Variants in ASIC2 observed in about 807,000 individuals in gnomAD.
ASIC2 encodes acid sensing ion channel subunit 2.
In ASIC2, 25 loss-of-function variants were observed where a neutral mutation model predicts 57.3. The ratio of observed to expected loss-of-function variants is 0.44; its 90% CI spans 0.32 to 0.61. ASIC2 has a LOEUF of 0.61. Ranked by LOEUF, ASIC2 falls within the 20% of genes least tolerant of loss-of-function variation. ASIC2 has a pLI of 0.06. For synonymous variants in ASIC2, 319 were observed against 307.5 expected (o/e 1.04, Z -0.39); for missense variants, 641 against 738.1 (o/e 0.87, Z 1.52).
chr17:33,534,366 A>T (rs141439373), intron 1 of ASIC2: 4 of 152,198 alleles, frequency 2.6e-5, no homozygotes, highest in Admixed American at 6.5e-5. Context: ...AACAGCTTCA[A>T]CTTCTTGCCG....
chr17:33,520,397 G>A (rs1225060495), intron 1 of ASIC2, among the ~76,000 whole-genome samples: 2 of 152,208 alleles, frequency 1.3e-5, no homozygotes, highest in Non-Finnish European at 2.9e-5. Flanking sequence ...CCATGCTCTA[G>A]CATTTACTCA....
intron 1 of ASIC2, among the ~76,000 whole-genome samples, chr17:34,011,003 C>CACACGCACAG (rs1906704441): frequency 1.7e-5 from 1 of 58,908 alleles, no homozygotes; most frequent in African/African-American, 5.4e-5. Flanking sequence ...GTCAGACACA[C>CACACGCACAG]ACACACACAG....
At chr17:33,489,881 A>T (rs946855734) in intron 1 of ASIC2, among the ~76,000 whole-genome samples, 1 of 152,226 alleles carries the variant, frequency 6.6e-6, no homozygotes. Flanking sequence ...AGTCCTGAGT[A>T]CCCAGGCAAT....
intron 1 of ASIC2, among the ~76,000 whole-genome samples, chr17:33,643,961 G>A (rs532542701): frequency 1.3e-5 from 2 of 152,208 alleles, no homozygotes; most frequent in African/African-American, 2.4e-5. Context: ...TTTTAAAGTC[G>A]CAAACTATTG....
intron 1 of ASIC2, among the ~76,000 whole-genome samples, chr17:33,901,003 C>G (rs1340061218): frequency 6.6e-6 from 1 of 152,196 alleles, no homozygotes; most frequent in African/African-American, 2.4e-5. Flanking sequence ...TTAGGTGCTT[C>G]TTTTGTGCAT....
chr17:33,485,172 G>T (rs1335254154), intron 1 of ASIC2, among the ~76,000 whole-genome samples: 1 of 152,248 alleles, frequency 6.6e-6, no homozygotes, highest in Non-Finnish European at 1.5e-5. Context: ...GTTCTAAAAG[G>T]TTAAGACTAT....
At chr17:34,119,612 G>GAC (rs71369048) in intron 1 of ASIC2, among the ~76,000 whole-genome samples, 4,641 of 147,946 alleles carry the variant, frequency 0.031, 156 homozygotes, top group African/African-American at 0.082. Flanking sequence ...TCTCTACACA[G>GAC]ACACACACAC....
intron 1 of ASIC2, among the ~76,000 whole-genome samples, chr17:33,499,149 A>G (rs1469195125): frequency 6.6e-6 from 1 of 152,146 alleles, no homozygotes; most frequent in Non-Finnish European, 1.5e-5. Flanking sequence ...GTTTGATTGA[A>G]GTGGGGGTGT....
At chr17:34,140,503 A>C (rs1445339363) in intron 1 of ASIC2, among the ~76,000 whole-genome samples, 1 of 152,202 alleles carries the variant, frequency 6.6e-6, no homozygotes, top group African/African-American at 2.4e-5. Context: ...TTTCCTGTTC[A>C]AATGAACCAA....
intron 1 of ASIC2, among the ~76,000 whole-genome samples, chr17:34,093,637 G>A (rs1279464589): frequency 6.6e-6 from 1 of 152,234 alleles, no homozygotes; most frequent in Non-Finnish European, 1.5e-5. Flanking sequence ...GCTCTATGGA[G>A]AAGGGATGTC....
chr17:34,155,686 C>T lies in ASIC2; in HGVS notation c.555+292G>A, dbSNP rs571506142. Reference sequence around the variant, plus strand: ...ACCGGACAACGGACAGCCCAGGCCTCCTCCCTCTGACTGGGAGGAAGCCAA... The same window carrying T: ...ACCGGACAACGGACAGCCCAGGCCTTCTCCCTCTGACTGGGAGGAAGCCAA... On this transcript the variant is annotated intron_variant, in intron 1 of 9. Transcript: ENST00000359872. 303 of 414,886 alleles carry T rather than the reference C, an allele frequency of 7.3e-4. 5 individuals are homozygous for T. The Middle Eastern group carries it at 0.014, about 19-fold the overall frequency. 25.7% of individuals were successfully genotyped at this position (414,886 alleles called of 1,614,324 possible). A position where few individuals can be genotyped will look rare whatever the true frequency, so the allele number is the denominator to read the frequency against.
intron 1 of ASIC2, among the ~76,000 whole-genome samples, chr17:33,886,739 CA>C (rs59036216): frequency 5.2e-4 from 77 of 148,816 alleles, no homozygotes; most frequent in East Asian, 1.6e-3. Flanking sequence ...GTCTTTCTAC[CA>C]AAAAAAAAAT....
intron 1 of ASIC2, among the ~76,000 whole-genome samples, chr17:33,547,973 C>A (rs775714414): frequency 1.3e-5 from 2 of 152,212 alleles, no homozygotes; most frequent in African/African-American, 2.4e-5. Context: ...CCAGCCATCA[C>A]AGCCAGGCAC....
chr17:33,656,675 A>G (rs1161515816), intron 1 of ASIC2, among the ~76,000 whole-genome samples: 1 of 152,134 alleles, frequency 6.6e-6, no homozygotes, highest in East Asian at 1.9e-4. Context: ...TGGAACCTCC[A>G]AGCCTGTGTC....
intron 1 of ASIC2, among the ~76,000 whole-genome samples, chr17:33,777,544 C>T (rs998066436): frequency 6.8e-6 from 1 of 147,614 alleles, no homozygotes; most frequent in South Asian, 2.3e-4. Context: ...TCTGTTTGAA[C>T]AACTGGGCTG....
chr17:33,085,584 T>C (rs551381807), intron 3 of ASIC2, among the ~76,000 whole-genome samples: 176 of 152,352 alleles, frequency 1.2e-3, no homozygotes, highest in African/African-American at 3.8e-3. Flanking sequence ...GGGCAGAGAC[T>C]GCGTCTCTTT....
At position 33,292,269 on chromosome 17, in the gene ASIC2, A is replaced by G. The variant is rs1905515635; in HGVS notation, c.-154T>C. 1 of 988,572 alleles carries G rather than the reference A, an allele frequency of 1.0e-6. No individual in the cohort carries two copies. The highest frequency in any genetic ancestry group is 1.8e-5 in the African/African-American group (1 of 56,682). The allele number at this position is 988,572 out of a possible 1,614,324, so 61.2% of individuals were successfully genotyped here. A position where few individuals can be genotyped will look rare whatever the true frequency, so the allele number is the denominator to read the frequency against. On this transcript the variant is annotated 5_prime_UTR_variant, in exon 1 of 10. It removes an upstream start codon present in the reference 5' UTR. Transcript: ENST00000225823. Reference sequence around the variant, plus strand: ...CCGAAAGGAGCTCCGGTGGCGCGGCATGCCCGCCCGGCGCCGCCGCTGCCG... The same window carrying G: ...CCGAAAGGAGCTCCGGTGGCGCGGCGTGCCCGCCCGGCGCCGCCGCTGCCG...
intron 1 of ASIC2, among the ~76,000 whole-genome samples, chr17:33,376,816 T>C (rs1445063937): frequency 2.0e-5 from 3 of 152,174 alleles, no homozygotes; most frequent in Admixed American, 6.5e-5. Context: ...ATCATCATCA[T>C]CATCATCTCA....
intron 3 of ASIC2, among the ~76,000 whole-genome samples, chr17:33,043,058 C>T (rs2091936032): frequency 6.6e-6 from 1 of 151,926 alleles, no homozygotes; most frequent in Non-Finnish European, 1.5e-5. Context: ...TCCCAAGCAG[C>T]TGGGACTACA....
Sources: gnomAD v4.1 joint callset for allele counts (sites outside exome capture counted in the v4.1 genomes callset) on GRCh38, gnomAD v4.1.1 for gene constraint, MANE v1.5 for transcripts, NCBI Gene and HGNC (gene_info 2026-07-23, HGNC 2026-07-21) for gene names.